LYPLAL1: variants seen among roughly 807,000 people sequenced by gnomAD.
LYPLAL1 encodes lysophospholipase like 1.
A neutral mutation model predicts 19.7 loss-of-function variants in LYPLAL1; 23 were observed. The observed-to-expected ratio is 1.17, with a 90% CI of 0.84 to 1.65. LYPLAL1 has a LOEUF of 1.65. LYPLAL1 is among the 40% of genes most tolerant of loss of function. The pLI is 0.00. For synonymous variants in LYPLAL1, 119 were observed against 96.3 expected, an observed-to-expected ratio of 1.24 and a Z score of -1.38; for missense variants, 355 against 279.4, an observed-to-expected ratio of 1.27 and a Z score of -1.93.
At chr1:219,312,526 C>A in the LYPLAL1 span, among the ~76,000 whole-genome samples, 1 of 152,102 alleles carries the variant, frequency 6.6e-6, no homozygotes, top group African/African-American at 2.4e-5. Flanking sequence ...CCAGGGAGCC[C>A]TTGGGGCTGG....
the LYPLAL1 span, among the ~76,000 whole-genome samples, chr1:219,304,792 C>G: frequency 5.3e-5 from 8 of 152,122 alleles, no homozygotes; most frequent in African/African-American, 1.9e-4. Context: ...GTCGTCTACA[C>G]AGATCTCTGA....
the LYPLAL1 span, among the ~76,000 whole-genome samples, chr1:219,248,811 A>G: frequency 4.1e-4 from 63 of 152,272 alleles, 2 homozygotes; most frequent in African/African-American, 1.5e-3. Flanking sequence ...TTAAAATATT[A>G]TATGTTCAGT....
intron 2 of LYPLAL1, among the ~76,000 whole-genome samples, chr1:219,184,546 G>A (rs1281383823): frequency 6.6e-6 from 1 of 151,778 alleles, no homozygotes; most frequent in African/African-American, 2.4e-5. Context: ...GAGGGGAAGT[G>A]TTCAGTATTT....
the LYPLAL1 span, among the ~76,000 whole-genome samples, chr1:219,413,986 T>C: frequency 1.2e-4 from 18 of 152,162 alleles, no homozygotes; most frequent in African/African-American, 4.1e-4. Flanking sequence ...TTAAAAACCA[T>C]ATATACAATT....
chr1:219,210,748 G>A, intron 4 of LYPLAL1, 101 bp downstream of exon 4: 1 of 1,070,700 alleles, frequency 9.3e-7, no homozygotes, highest in South Asian at 1.8e-5. Context: ...ACACACAGTT[G>A]ATGCACAGTT....
At chr1:219,247,566 A>C in the LYPLAL1 span, among the ~76,000 whole-genome samples, 1 of 152,212 alleles carries the variant, frequency 6.6e-6, no homozygotes, top group Non-Finnish European at 1.5e-5. Flanking sequence ...CCAAAGGCTG[A>C]GTAGGACTAT....
At chr1:219,251,736 G>C in the LYPLAL1 span, among the ~76,000 whole-genome samples, 19 of 151,976 alleles carry the variant, frequency 1.3e-4, 1 homozygote, top group Middle Eastern at 6.3e-3. Flanking sequence ...TGTTCTTTTG[G>C]CTTAGGATTG....
Position 219,179,143 on chromosome 1 carries a change from T to G in LYPLAL1, c.92-4T>G, listed in dbSNP as rs1656055610. ...ATTTTAATCTAGATTTTTTGATTCATCAGGTGATTCTGGACAAGGATTAAG... is the reference window on the plus strand; with the variant it reads ...ATTTTAATCTAGATTTTTTGATTCAGCAGGTGATTCTGGACAAGGATTAAG... On this transcript the variant is annotated splice_region_variant and splice_polypyrimidine_tract_variant and intron_variant, in intron 1 of 4. Transcript: ENST00000366928. 1.3e-6 allele frequency: 2 copies of G among 1,592,694 alleles called. No individual in the cohort carries two copies. The highest frequency in any genetic ancestry group is 1.8e-5 in the Admixed American group (1 of 55,546).
At chr1:219,213,208 C>T (rs527328600), downstream of LYPLAL1, among the ~76,000 whole-genome samples, 1 of 152,028 alleles carries the variant, frequency 6.6e-6, no homozygotes, top group African/African-American at 2.4e-5. Flanking sequence ...ATTTTTGCAC[C>T]TTTGTCAAAA....
chr1:219,222,802 T>A, the LYPLAL1 span: 1 of 152,178 alleles, frequency 6.6e-6, no homozygotes, highest in Non-Finnish European at 1.5e-5. Flanking sequence ...GCCAGCAGAT[T>A]TGGTGTCTGG....
chr1:219,244,687 C>G, the LYPLAL1 span, among the ~76,000 whole-genome samples: 708 of 152,074 alleles, frequency 4.7e-3, 13 homozygotes, highest in East Asian at 0.045. Flanking sequence ...GGCTTACATC[C>G]GTAATCCCAG....
At chr1:219,314,458 T>A in the LYPLAL1 span, among the ~76,000 whole-genome samples, 1 of 152,184 alleles carries the variant, frequency 6.6e-6, no homozygotes, top group African/African-American at 2.4e-5. Context: ...CTTTTTTTCT[T>A]TTTTGAGATG....
the LYPLAL1 span, among the ~76,000 whole-genome samples, chr1:219,415,070 TA>T: frequency 6.6e-6 from 1 of 152,222 alleles, no homozygotes; most frequent in Middle Eastern, 3.4e-3. Context: ...ACAGGACATA[TA>T]AATAGAAGAA....
At chr1:219,414,804 T>C in the LYPLAL1 span, among the ~76,000 whole-genome samples, 1 of 152,208 alleles carries the variant, frequency 6.6e-6, no homozygotes, top group African/African-American at 2.4e-5. Context: ...TATTCCATAA[T>C]TATTTAATGA....
chr1:219,203,103 A>C lies in LYPLAL1; in HGVS notation c.362-7429A>C, dbSNP rs1293343980. Among the ~76,000 whole-genome samples the C allele has an allele frequency of 2.0e-5, 3 of 152,194 alleles. No homozygotes were observed. In the East Asian group the frequency reaches 5.8e-4, roughly 29 times the overall value. On this transcript the variant is annotated intron_variant, in intron 3 of 4. Coordinates refer to ENST00000366928, the MANE Select transcript of LYPLAL1 (RefSeq NM_138794.5). ...TTGTTAACCTTTTATTTTGTTTAAT[A>C]ATCTGTTCAGATTTCTGATTTAATG...
At chr1:219,336,423 AATAG>A in the LYPLAL1 span, among the ~76,000 whole-genome samples, 1 of 151,944 alleles carries the variant, frequency 6.6e-6, no homozygotes, top group Non-Finnish European at 1.5e-5. Context: ...TGAGGATTAA[AATAG>A]ATAATGAGTA....
intron 2 of LYPLAL1, among the ~76,000 whole-genome samples, chr1:219,185,201 G>T (rs2125043537): frequency 6.6e-6 from 1 of 151,808 alleles, no homozygotes; most frequent in African/African-American, 2.4e-5. Flanking sequence ...AGATGTTCAT[G>T]ATATTTCCTT....
chr1:219,434,932 C>G, the LYPLAL1 span, among the ~76,000 whole-genome samples: 1 of 152,062 alleles, frequency 6.6e-6, no homozygotes, highest in East Asian at 1.9e-4. Context: ...GGATAATGGT[C>G]CAGCTTGTCT....
At chr1:219,324,625 A>T in the LYPLAL1 span, among the ~76,000 whole-genome samples, 1 of 152,204 alleles carries the variant, frequency 6.6e-6, no homozygotes, top group Admixed American at 6.5e-5. Context: ...AAGAAGGCTA[A>T]ATCTGCCTCT....
Sources: allele counts gnomAD v4.1 joint callset (sites outside exome capture counted in the v4.1 genomes callset), GRCh38; gene constraint gnomAD v4.1.1; transcripts MANE v1.5; gene names NCBI Gene and HGNC (gene_info 2026-07-23, HGNC 2026-07-21).